CTSO: variants seen among roughly 807,000 people sequenced by gnomAD.
CTSO encodes the protein cathepsin O.
In CTSO, 40 loss-of-function variants were observed where a neutral mutation model predicts 42.4. That is an observed-to-expected ratio of 0.94 (90% CI 0.73 to 1.23). CTSO has a LOEUF of 1.23. Ranked by LOEUF, CTSO falls within the 50% of genes most tolerant of loss-of-function variation. CTSO has a pLI of 0.00. For synonymous variants in CTSO, 156 were observed against 146.2 expected (o/e 1.07, Z -0.48); for missense variants, 441 against 396.0 (o/e 1.11, Z -0.96).
At chr4:155,953,377 G>T (rs931669936) in intron 1 of CTSO, among the ~76,000 whole-genome samples, 1 of 152,182 alleles carries the variant, frequency 6.6e-6, no homozygotes, top group African/African-American at 2.4e-5. Flanking sequence ...GGCAACGATA[G>T]AGGGGATTGC....
At chr4:155,931,833 GAATTAT>G (rs1743239884) in intron 5 of CTSO, among the ~76,000 whole-genome samples, 1 of 150,060 alleles carries the variant, frequency 6.7e-6, no homozygotes, top group Non-Finnish European at 1.5e-5. Context: ...ATTGATTAAT[GAATTAT>G]AATTATTATT....
chr4:155,938,911 T>G (rs1743378134), intron 4 of CTSO, among the ~76,000 whole-genome samples: 1 of 151,976 alleles, frequency 6.6e-6, no homozygotes, highest in African/African-American at 2.4e-5. Flanking sequence ...GAGCCAAGAT[T>G]GTGCCACTGT....
Position 155,945,243 on chromosome 4 carries a change from C to G in CTSO, c.136-1979G>C, listed in dbSNP as rs112855441. Among the ~76,000 whole-genome samples, 1,313 of 151,376 alleles carry G rather than the reference C, an allele frequency of 8.7e-3. 7 individuals are homozygous for G. The highest frequency in any genetic ancestry group is 0.013 in the Non-Finnish European group (890 of 67,900). ...CTGCACTCCAGCCTGGACGACAGAGCGAGCCTCCAACTCAAAAAAATAAAT... is the reference window on the plus strand; with the variant it reads ...CTGCACTCCAGCCTGGACGACAGAGGGAGCCTCCAACTCAAAAAAATAAAT... On this transcript the variant is annotated intron_variant, in intron 1 of 7. Coordinates refer to ENST00000433477, the MANE Select transcript of CTSO (RefSeq NM_001334.3).
intron 3 of CTSO, 97 bp downstream of exon 3, chr4:155,942,220 G>C: frequency 9.9e-7 from 1 of 1,011,566 alleles, no homozygotes; most frequent in Non-Finnish European, 1.3e-6. Context: ...GATTTTCCTA[G>C]AGAAATGATG....
At chr4:155,948,850 A>G (rs1743593937) in intron 1 of CTSO, among the ~76,000 whole-genome samples, 1 of 152,206 alleles carries the variant, frequency 6.6e-6, no homozygotes, top group African/African-American at 2.4e-5. Flanking sequence ...CAAAGAGTAG[A>G]AACCCAAGGA....
chr4:155,924,536 T>C lies in CTSO; in HGVS notation c.*1500A>G, dbSNP rs1743096687. The C allele has an allele frequency of 6.6e-6, 1 of 152,202 alleles. No individual in the cohort carries two copies. Among genetic ancestry groups the C allele is most frequent in the Admixed American group, 6.5e-5 (1 of 15,272 alleles). 9.4% of individuals were successfully genotyped at this position (152,202 alleles called of 1,614,324 possible). On this transcript the variant is annotated 3_prime_UTR_variant, in exon 8 of 8. Transcript: ENST00000433477. ...TTAGATGTCCTTGAATTTTTTTTTT[T>C]AGTGGTTGCTACTGCATTTCATGTT... is the stretch of plus-strand genomic sequence containing the variant.
intron 5 of CTSO, among the ~76,000 whole-genome samples, chr4:155,932,346 G>A (rs1266071347): frequency 1.3e-5 from 2 of 152,056 alleles, no homozygotes; most frequent in African/African-American, 2.4e-5. Context: ...GTTCTAATCC[G>A]ACTCCACAGT....
chr4:155,939,608 A>G (rs1743393620), intron 3 of CTSO, 70 bp from the exon 4 acceptor site: 2 of 1,363,826 alleles, frequency 1.5e-6, no homozygotes, highest in Non-Finnish European at 2.0e-6. Flanking sequence ...TCTAAATGTA[A>G]CAAGTTATCA....
In CTSO at chr4:155,942,424, GA is replaced by G; in HGVS notation, c.276del (p.Arg94AspfsTer17). On this transcript the variant is annotated frameshift_variant, in exon 3 of 8. Transcript: ENST00000433477. LOFTEE classifies it high-confidence loss of function. ...ATATGTACTTCTGCTGAGTATCTGG[GA>G]AACTTGGAAGGTTTGCTTCTTAAAT... ...AIYLRSKPSKFPRYSAEVHMS... is the reference protein window; with the variant it reads ...AIYLRSKPSKXPRYSAEVHMS... The G allele has an allele frequency of 6.4e-7, 1 of 1,561,012 alleles. No individual in the cohort carries two copies. Among genetic ancestry groups the G allele is most frequent in the Non-Finnish European group, 8.7e-7 (1 of 1,154,986 alleles).
chr4:155,928,233 A>AATT, intron 7 of CTSO, 103 bp downstream of exon 7: 1 of 745,532 alleles, frequency 1.3e-6, no homozygotes, highest in Non-Finnish European at 2.0e-6. Context: ...AAAGGACAAA[A>AATT]ATTATTACTG....
At chr4:155,947,173 G>T (rs1401642403) in intron 1 of CTSO, among the ~76,000 whole-genome samples, 1 of 152,054 alleles carries the variant, frequency 6.6e-6, no homozygotes, top group African/African-American at 2.4e-5. Context: ...TTTTAACTTT[G>T]CAACAATTTG....
intron 5 of CTSO, among the ~76,000 whole-genome samples, chr4:155,933,367 G>C (rs1743269089): frequency 6.6e-6 from 1 of 152,022 alleles, no homozygotes; most frequent in Non-Finnish European, 1.5e-5. Flanking sequence ...ATGTGGAACT[G>C]TAAGTCCAAT....
At chr4:155,947,360 A>C (rs549439251) in intron 1 of CTSO, among the ~76,000 whole-genome samples, 22 of 152,174 alleles carry the variant, frequency 1.4e-4, no homozygotes, top group Non-Finnish European at 2.8e-4. Context: ...AAATACTCTC[A>C]TCCTCTATCT....
At chr4:155,927,491 T>TG (rs1337916550) in intron 7 of CTSO, among the ~76,000 whole-genome samples, 8 of 152,170 alleles carry the variant, frequency 5.3e-5, no homozygotes, top group African/African-American at 1.9e-4. Context: ...TGTTTCAGGC[T>TG]GGGCGTGGTG....
Position 155,946,571 on chromosome 4 carries a change from T to G in CTSO, c.136-3307A>C, listed in dbSNP as rs935752596. Among the ~76,000 whole-genome samples, 5 of 152,274 alleles carry G rather than the reference T, an allele frequency of 3.3e-5. No homozygotes were observed. In the East Asian group the frequency reaches 7.8e-4, roughly 24 times the overall value. On this transcript the variant is annotated intron_variant, in intron 1 of 7. Transcript: ENST00000433477. ...GTGTCTGCAGGACTTCTGAAAATGT[T>G]GCTGTCTTCCACTTGTTCAACCAGG...
intron 5 of CTSO, among the ~76,000 whole-genome samples, chr4:155,935,759 T>TA (rs772859625): frequency 6.6e-6 from 1 of 151,908 alleles, no homozygotes; most frequent in African/African-American, 2.4e-5. Context: ...CCCCAGAACT[T>TA]AAAAAAAAGT....
chr4:155,925,930 T>C lies in CTSO; in HGVS notation c.*106A>G. On this transcript the variant is annotated 3_prime_UTR_variant, in exon 8 of 8. Coordinates refer to ENST00000433477, the MANE Select transcript of CTSO (RefSeq NM_001334.3). ...TACTACTAGGCCTTAGAATCTTTTGTAGGTAGTTGCTGAAACTTGAAGTTG... is the reference window on the plus strand; with the variant it reads ...TACTACTAGGCCTTAGAATCTTTTGCAGGTAGTTGCTGAAACTTGAAGTTG... 4 of 932,092 alleles carry C rather than the reference T, an allele frequency of 4.3e-6. No homozygotes were observed. The highest frequency in any genetic ancestry group is 6.7e-6 in the Non-Finnish European group (4 of 595,232). The allele number at this position is 932,092 out of a possible 1,614,324, so 57.7% of individuals were successfully genotyped here.
chr4:155,940,797 C>T (rs576025773), intron 3 of CTSO, among the ~76,000 whole-genome samples: 175 of 151,536 alleles, frequency 1.2e-3, no homozygotes, highest in African/African-American at 3.8e-3. Context: ...GAGCCGAGAT[C>T]GCATCACTGC....
chr4:155,924,223 G>T lies in CTSO; in HGVS notation c.*1813C>A, dbSNP rs369308908. On this transcript the variant is annotated 3_prime_UTR_variant, in exon 8 of 8. Coordinates refer to ENST00000433477, the MANE Select transcript of CTSO (RefSeq NM_001334.3). ...AGTTTGAAATTTTAGAAATCCTTTA[G>T]CACTTGAAAAAGAGTATTACAAATG... 1 of 152,112 alleles carries T rather than the reference G, an allele frequency of 6.6e-6. No homozygotes were observed. The highest frequency in any genetic ancestry group is 2.4e-5 in the African/African-American group (1 of 41,430). The allele number at this position is 152,112 out of a possible 1,614,324, so 9.4% of individuals were successfully genotyped here. A position where few individuals can be genotyped will look rare whatever the true frequency, so the allele number is the denominator to read the frequency against.
Sources: allele counts gnomAD v4.1 joint callset (sites outside exome capture counted in the v4.1 genomes callset), GRCh38; gene constraint gnomAD v4.1.1; transcripts MANE v1.5; gene names NCBI Gene and HGNC (gene_info 2026-07-23, HGNC 2026-07-21).